Variants in NOL9 observed in about 807,000 individuals in gnomAD.
NOL9 encodes the protein nucleolar protein 9.
In NOL9, 28 loss-of-function variants were observed where a neutral mutation model predicts 67.9. The ratio of observed to expected loss-of-function variants is 0.41; its 90% CI spans 0.31 to 0.57. The LOEUF is 0.57. NOL9 is among the 20% of genes least tolerant of loss of function. The pLI is 0.25. For missense variants in NOL9, 777 were observed against 897.0 expected (o/e 0.87, Z 1.71); for synonymous variants, 356 against 352.2 (o/e 1.01, Z -0.12).
intron 6 of NOL9, chr1:6,540,731 CAGG>C (rs1295629737): frequency 6.6e-6 from 1 of 152,046 alleles, no homozygotes. Context: ...GAGGCTGATA[CAGG>C]AGAATAGCTC....
chr1:6,551,139 TCTC>T (rs1639535940), intron 1 of NOL9, among the ~76,000 whole-genome samples: 1 of 151,832 alleles, frequency 6.6e-6, no homozygotes, highest in South Asian at 2.1e-4. Flanking sequence ...GAGTGAGACT[TCTC>T]CTTACAAAAC....
chr1:6,525,577 ATC>A lies in NOL9; in HGVS notation c.*275_*276del, dbSNP rs1016903542. ...AGGTCCCTGAAGAACTTTCTGAGGA[ATC>A]TCTGTTTTAATGGCACACAAACTGT... On this transcript the variant is annotated 3_prime_UTR_variant, in exon 12 of 12. Transcript: ENST00000377705. 1.1e-5 allele frequency: 4 copies of A among 376,668 alleles called. No homozygotes were observed. The highest frequency in any genetic ancestry group is 4.1e-5 in the Admixed American group (1 of 24,426). The allele number at this position is 376,668 out of a possible 1,614,324, so 23.3% of individuals were successfully genotyped here. A position where few individuals can be genotyped will look rare whatever the true frequency, so the allele number is the denominator to read the frequency against.
chr1:6,533,124 G>A (rs559661267), intron 7 of NOL9, among the ~76,000 whole-genome samples, 156 bp downstream of exon 7: 3 of 152,264 alleles, frequency 2.0e-5, no homozygotes, highest in South Asian at 4.1e-4. Flanking sequence ...GCAGTGAGCC[G>A]AGATCACGCC....
Position 6,532,572 on chromosome 1 carries a change from C to G in NOL9, c.1426G>C (p.Asp476His). ...NRRFRLAAFADALEFADEEKE... is the reference protein window; with the variant it reads ...NRRFRLAAFAHALEFADEEKE... ...TCTTCATCAGCAAATTCCAAAGCAT[C>G]TGCAAATGCTGCGAGTCTGAAACGT... Residue 476 changes from aspartate (D) to histidine (H), a missense_variant, in exon 8 of 12, where the codon GAT becomes CAT. Physicochemically the swap from Asp to His is moderately conservative, Grantham distance 81. Coordinates refer to ENST00000377705, the MANE Select transcript of NOL9 (RefSeq NM_024654.5). 2 of 1,614,236 alleles carry G rather than the reference C, an allele frequency of 1.2e-6. No individual in the cohort carries two copies. The highest frequency in any genetic ancestry group is 1.7e-6 in the Non-Finnish European group (2 of 1,180,046).
In NOL9 at chr1:6,538,902, G is replaced by A. The variant is rs143066665; in HGVS notation, c.1075+2928C>T. 4.0e-3 allele frequency among the ~76,000 whole-genome samples: 602 copies of A among 152,316 alleles called. 5 individuals carry two copies. Among genetic ancestry groups the A allele is most frequent in the East Asian group, 0.035 (182 of 5,192 alleles). On this transcript the variant is annotated intron_variant, in intron 6 of 11. Transcript: ENST00000377705. ...CAGGAGAACTGCTTGAACCCGGGAGGTGGAGGCTGTAGTGAGCTGAGATCA... is the reference window on the plus strand; with the variant it reads ...CAGGAGAACTGCTTGAACCCGGGAGATGGAGGCTGTAGTGAGCTGAGATCA...
rs376730429 is a variant in NOL9, at chr1:6,543,681, A to G, written c.977+1145T>C. ...TAACCCACCTCTGTTGTTGTTGTAA[A>G]GGTAAAATTTCAGATCTGGCATGGT... On this transcript the variant is annotated intron_variant, in intron 5 of 11. Transcript: ENST00000377705. Among the ~76,000 whole-genome samples, 30 of 152,230 alleles carry G rather than the reference A, an allele frequency of 2.0e-4. No homozygotes were observed. The East Asian group carries it at 2.3e-3, about 12-fold the overall frequency.
chr1:6,553,691 A>G (rs1450195659), intron 1 of NOL9, among the ~76,000 whole-genome samples: 1 of 151,946 alleles, frequency 6.6e-6, no homozygotes, highest in Non-Finnish European at 1.5e-5. Context: ...AATACAAAAA[A>G]TATAGCCGGG....
intron 6 of NOL9, among the ~76,000 whole-genome samples, chr1:6,540,088 C>T (rs866029459): frequency 3.2e-4 from 48 of 150,026 alleles, no homozygotes; most frequent in African/African-American, 1.0e-3. Context: ...CGGGTTCAAG[C>T]GATTCTCCTG....
intron 9 of NOL9, among the ~76,000 whole-genome samples, chr1:6,529,589 A>G (rs1638974330): frequency 6.6e-6 from 1 of 151,660 alleles, no homozygotes; most frequent in African/African-American, 2.4e-5. Context: ...CTCGGTCTCA[A>G]AAAAAAATTA....
intron 3 of NOL9, among the ~76,000 whole-genome samples, chr1:6,547,626 AGGT>A (rs557879704): frequency 1.3e-3 from 203 of 152,250 alleles, no homozygotes; most frequent in African/African-American, 4.6e-3. Flanking sequence ...TTTTGGAGGC[AGGT>A]GGATTGCTGG....
chr1:6,553,618 G>A (rs969514125), intron 1 of NOL9, among the ~76,000 whole-genome samples: 7 of 151,884 alleles, frequency 4.6e-5, no homozygotes, highest in African/African-American at 1.7e-4. Context: ...GAGGCGGGTG[G>A]ATCACAAGGT....
chr1:6,537,920 G>A (rs1265706933), intron 6 of NOL9, among the ~76,000 whole-genome samples: 7 of 137,024 alleles, frequency 5.1e-5, no homozygotes, highest in African/African-American at 1.9e-4. Context: ...TCAGGAGATT[G>A]AGACCATCCT....
At chr1:6,528,241 G>T (rs1252790781) in intron 10 of NOL9, among the ~76,000 whole-genome samples, 2 of 152,208 alleles carry the variant, frequency 1.3e-5, no homozygotes, top group African/African-American at 4.8e-5. Context: ...CCAGACCCTG[G>T]ATCTGAGTGA....
In NOL9 at chr1:6,532,699, C is replaced by G. The variant is rs1000147584; in HGVS notation, c.1299G>C (p.Gln433His). 6.2e-7 allele frequency: 1 copy of G among 1,614,060 alleles called. No individual in the cohort carries two copies. The highest frequency in any genetic ancestry group is 8.5e-7 in the Non-Finnish European group (1 of 1,180,030). Residue 433 changes from glutamine to histidine, a missense_variant, in exon 8 of 12, where the codon CAG becomes CAC. Around this residue, in one of 2 missense-constraint regions of NOL9, gnomAD observed 413 missense variants for 552.6 expected, o/e 0.75. Transcript: ENST00000377705. ...TATATTTACTGTGGTCAGAGCGGAA[C>G]TGAACCACGTGGCTGGGAGACAGCA... ...IRLLSPSHVV[Q>H]FRSDHSKYMP... is the part of the protein sequence containing the mutation.
At chr1:6,552,154 G>A (rs934887824) in intron 1 of NOL9, among the ~76,000 whole-genome samples, 4 of 152,190 alleles carry the variant, frequency 2.6e-5, no homozygotes, top group Non-Finnish European at 5.9e-5. Context: ...GGGGGTCTGG[G>A]GAAGGGCGTC....
chr1:6,547,963 T>C, intron 3 of NOL9: 1 of 265,022 alleles, frequency 3.8e-6, no homozygotes, highest in East Asian at 9.1e-5. Context: ...ATAGGCTTCC[T>C]ACAATACACC....
rs1638811648 is a variant in NOL9, at chr1:6,523,308, GGT to G, written c.*2544_*2545del. 6.6e-6 allele frequency: 1 copy of G among 151,846 alleles called. No individual in the cohort carries two copies. The highest frequency in any genetic ancestry group is 2.0e-4 in the East Asian group (1 of 5,100). 9.4% of individuals were successfully genotyped at this position (151,846 alleles called of 1,614,324 possible). A position where few individuals can be genotyped will look rare whatever the true frequency, so the allele number is the denominator to read the frequency against. ...AAAGCCACTGCCACCAGCCGGGTGC[GGT>G]GGCTCATGCCTGTAATCCCAACACT... On this transcript the variant is annotated 3_prime_UTR_variant, in exon 12 of 12. Transcript: ENST00000377705.
intron 3 of NOL9, chr1:6,548,054 C>A: frequency 7.8e-6 from 2 of 257,076 alleles, no homozygotes; most frequent in East Asian, 9.4e-5. Flanking sequence ...TGTCTCTGTA[C>A]CAAGAAGGTT....
rs958903796 is a variant in NOL9 at position 6,524,733 on chromosome 1, T to C, written c.*1121A>G. 1.3e-5 allele frequency: 2 copies of C among 152,056 alleles called. No individual in the cohort carries two copies. The highest frequency in any genetic ancestry group is 4.8e-5 in the African/African-American group (2 of 41,362). 9.4% of individuals were successfully genotyped at this position (152,056 alleles called of 1,614,324 possible). ...TTATAAGAGCCCCCAGAAGAGGTTTTCCAGATTATTATTTTTTTTTTTTGA... is the reference window on the plus strand; with the variant it reads ...TTATAAGAGCCCCCAGAAGAGGTTTCCCAGATTATTATTTTTTTTTTTTGA... On this transcript the variant is annotated 3_prime_UTR_variant, in exon 12 of 12. Transcript: ENST00000377705.
Sources: allele counts gnomAD v4.1 joint callset (sites outside exome capture counted in the v4.1 genomes callset), GRCh38; gene constraint gnomAD v4.1.1; regional missense constraint gnomAD v4.1.1; transcripts MANE v1.5; gene names NCBI Gene and HGNC (gene_info 2026-07-23, HGNC 2026-07-21).